SLC9B2: variants seen among roughly 807,000 people sequenced by gnomAD.
The protein encoded by SLC9B2 is sodium/hydrogen exchanger 9B2.
A neutral mutation model predicts 52.2 loss-of-function variants in SLC9B2; 39 were observed. The ratio of observed to expected loss-of-function variants is 0.75; its 90% CI spans 0.58 to 0.98. SLC9B2 has a LOEUF of 0.98. Ranked by LOEUF, SLC9B2 falls within the 50% of genes least tolerant of loss-of-function variation. The pLI is 0.00. For synonymous variants in SLC9B2, 214 were observed against 227.0 expected (o/e 0.94, Z 0.51); for missense variants, 626 against 637.5 (o/e 0.98, Z 0.19).
intron 1 of SLC9B2, among the ~76,000 whole-genome samples, chr4:103,075,943 A>G (rs887951821): frequency 6.6e-6 from 1 of 152,200 alleles, no homozygotes; most frequent in Non-Finnish European, 1.5e-5. Context: ...TAGCACCTCG[A>G]GGATGCTAAC....
At chr4:103,053,169 G>A (rs1211119338) in intron 4 of SLC9B2, among the ~76,000 whole-genome samples, 1 of 151,798 alleles carries the variant, frequency 6.6e-6, no homozygotes, top group African/African-American at 2.4e-5. Flanking sequence ...TCTTCCAAAG[G>A]GAAGCCGTTT....
chr4:103,066,549 A>G, intron 2 of SLC9B2, 42 bp from the exon 3 acceptor site: 1 of 1,556,718 alleles, frequency 6.4e-7, no homozygotes, highest in Non-Finnish European at 8.7e-7. Flanking sequence ...AACTGTATAT[A>G]TTTTACACAT....
At chr4:103,026,682 T>C in intron 11 of SLC9B2, 91 bp from the exon 12 acceptor site, 3 of 1,190,534 alleles carry the variant, frequency 2.5e-6, no homozygotes, top group Non-Finnish European at 3.5e-6. Context: ...AGCAAATTGC[T>C]TGTTCTTTTG....
At position 103,047,113 on chromosome 4, in the gene SLC9B2, C is replaced by G. The variant is rs575559117; in HGVS notation, c.827G>C (p.Ser276Thr). ...GVPTLLMAAG[S>T]FDDILAITGF... ...AGTGATGGCCAGAATGTCATCGAAG[C>G]TGCCAGCTGCCATGAGCAAGGTTGG... Residue 276 changes from serine to threonine, a missense_variant, in exon 7 of 12, where the codon AGC becomes ACC. Transcript: ENST00000394785. 2 of 1,614,034 alleles carry G rather than the reference C, an allele frequency of 1.2e-6. No homozygotes were observed. Among genetic ancestry groups the G allele is most frequent in the South Asian group, 2.2e-5 (2 of 91,070 alleles).
chr4:103,057,793 G>A lies in SLC9B2; in HGVS notation c.442+8C>T. 1 of 1,612,128 alleles carries A rather than the reference G, an allele frequency of 6.2e-7. No individual in the cohort carries two copies. The highest frequency in any genetic ancestry group is 1.1e-5 in the South Asian group (1 of 90,570). ...CTCTGGATAGAACAGGAAACATTTA[G>A]CACTTACCAAGAAGAGAAGGCAGTG... On this transcript the variant is annotated splice_region_variant and intron_variant, in intron 4 of 11. Transcript: ENST00000394785.
rs186501872 is a variant in SLC9B2 at position 103,043,285 on chromosome 4, A to G, written c.1146+11T>C. The G allele has an allele frequency of 1.4e-4, 221 of 1,592,962 alleles. No individual in the cohort carries two copies. The East Asian group carries it at 3.9e-3, about 28-fold the overall frequency. ...AGAGTCATGAGCAGAAAAACTTAAA[A>G]TGAAATTCACCTTTTCGCTGGTCCA... On this transcript the variant is annotated intron_variant, in intron 9 of 11. Coordinates refer to ENST00000394785, the MANE Select transcript of SLC9B2 (RefSeq NM_178833.7).
At chr4:103,049,426 G>A (rs967969072) in intron 5 of SLC9B2, among the ~76,000 whole-genome samples, 53 of 152,044 alleles carry the variant, frequency 3.5e-4, no homozygotes, top group African/African-American at 1.2e-3. Flanking sequence ...CCCAGAATGA[G>A]ACTAAAGTGA....
downstream of SLC9B2, among the ~76,000 whole-genome samples, chr4:103,019,176 G>A (rs1032230526): frequency 6.6e-6 from 1 of 152,076 alleles, no homozygotes; most frequent in Non-Finnish European, 1.5e-5. Context: ...GGGGAAGAGA[G>A]CTTTCTCAGG....
chr4:103,066,175 G>A, intron 3 of SLC9B2, 152 bp downstream of exon 3: 2 of 860,320 alleles, frequency 2.3e-6, no homozygotes, highest in East Asian at 2.6e-5. Flanking sequence ...TGAATGTGTG[G>A]AGCAGAGCCA....
At chr4:103,034,425 A>G (rs1553915290) in intron 9 of SLC9B2, among the ~76,000 whole-genome samples, 1 of 152,220 alleles carries the variant, frequency 6.6e-6, no homozygotes, top group Non-Finnish European at 1.5e-5. Context: ...TCCAAAAGCA[A>G]TTGTGACAAA....
intron 9 of SLC9B2, among the ~76,000 whole-genome samples, chr4:103,034,884 C>T (rs1241783036): frequency 1.3e-5 from 2 of 151,904 alleles, no homozygotes; most frequent in Non-Finnish European, 2.9e-5. Context: ...TCTTTTGATA[C>T]TTTTTAATTT....
intron 3 of SLC9B2, among the ~76,000 whole-genome samples, chr4:103,061,165 A>G (rs552304677): frequency 4.6e-5 from 7 of 152,182 alleles, no homozygotes; most frequent in Non-Finnish European, 1.0e-4. Context: ...ACTGGTATAT[A>G]CCCAAAAGAT....
At chr4:103,044,367 C>G (rs1025237631) in intron 8 of SLC9B2, among the ~76,000 whole-genome samples, 4 of 152,164 alleles carry the variant, frequency 2.6e-5, no homozygotes, top group Non-Finnish European at 5.9e-5. Flanking sequence ...GGCTACTGTA[C>G]TGAACAAAGT....
At chr4:103,039,253 A>C (rs1001781337) in intron 9 of SLC9B2, among the ~76,000 whole-genome samples, 3 of 152,188 alleles carry the variant, frequency 2.0e-5, no homozygotes, top group Non-Finnish European at 4.4e-5. Flanking sequence ...TAATTATAAA[A>C]ATAATAAGAG....
At chr4:103,036,023 T>A (rs1743142482) in intron 9 of SLC9B2, among the ~76,000 whole-genome samples, 1 of 152,128 alleles carries the variant, frequency 6.6e-6, no homozygotes, top group Non-Finnish European at 1.5e-5. Context: ...AAAACAGCAA[T>A]GGTACTGGTA....
chr4:103,034,984 G>A (rs1432046684), intron 9 of SLC9B2, among the ~76,000 whole-genome samples: 3 of 151,868 alleles, frequency 2.0e-5, no homozygotes, highest in Non-Finnish European at 2.9e-5. Flanking sequence ...TTAATTTTTT[G>A]AAAAAATTTA....
In SLC9B2 at chr4:103,076,279, T is replaced by G. The variant is rs1299293195; in HGVS notation, c.-138A>C. ...GGAGCCCGGTCTAGCCACCGCGCTC[T>G]GGGGTTCCCGATTCGCGCATCTTCC... On this transcript the variant is annotated 5_prime_UTR_variant, in exon 1 of 12. Transcript: ENST00000394785. The G allele has an allele frequency of 6.6e-6, 1 of 152,438 alleles. No homozygotes were observed. The highest frequency in any genetic ancestry group is 1.9e-4 in the East Asian group (1 of 5,200). The allele number at this position is 152,438 out of a possible 1,614,324, so 9.4% of individuals were successfully genotyped here. A position where few individuals can be genotyped will look rare whatever the true frequency, so the allele number is the denominator to read the frequency against.
At chr4:103,057,289 C>CAT (rs1040131995) in intron 4 of SLC9B2, among the ~76,000 whole-genome samples, 3 of 145,766 alleles carry the variant, frequency 2.1e-5, no homozygotes, top group Non-Finnish European at 3.0e-5. Context: ...CACACACACA[C>CAT]ATATATACAC....
intron 9 of SLC9B2, among the ~76,000 whole-genome samples, chr4:103,035,742 C>A (rs1050507542): frequency 1.3e-5 from 2 of 152,094 alleles, no homozygotes; most frequent in Admixed American, 1.3e-4. Flanking sequence ...ATAAATAGAA[C>A]TACCATTTGA....
Sources: gnomAD v4.1 joint callset for allele counts (sites outside exome capture counted in the v4.1 genomes callset) on GRCh38, gnomAD v4.1.1 for gene constraint, MANE v1.5 for transcripts, NCBI Gene and HGNC (gene_info 2026-07-23, HGNC 2026-07-21) for gene names.